OTOGL: variants seen among roughly 807,000 people sequenced by gnomAD.
OTOGL encodes otogelin-like protein.
OTOGL carries 285 observed loss-of-function variants against 318.5 expected under a neutral mutation model. The observed-to-expected ratio is 0.89, with a 90% CI of 0.81 to 0.99. The LOEUF (loss-of-function observed/expected upper bound fraction) is 0.99. OTOGL is among the 50% of genes least tolerant of loss of function. The pLI, the probability that OTOGL is intolerant of heterozygous loss-of-function variation, is 0.00. For missense variants in OTOGL, 2,899 were observed against 2,845.6 expected (o/e 1.02, Z -0.43); for synonymous variants, 987 against 936.5 (o/e 1.05, Z -0.99).
At chr12:80,296,193 G>C (rs972770611) in intron 26 of OTOGL, among the ~76,000 whole-genome samples, 3 of 152,184 alleles carry the variant, frequency 2.0e-5, no homozygotes, top group Non-Finnish European at 2.9e-5. Context: ...TTAGGAATTT[G>C]AACTCTGATC....
intron 1 of OTOGL, among the ~76,000 whole-genome samples, chr12:80,141,975 C>A (rs915875798): frequency 6.6e-6 from 1 of 152,136 alleles, no homozygotes; most frequent in Non-Finnish European, 1.5e-5. Flanking sequence ...CCATCCTCAA[C>A]CTTCCTTTCT....
chr12:80,176,494 G>A (rs1228543117), intron 1 of OTOGL, among the ~76,000 whole-genome samples: 1 of 151,990 alleles, frequency 6.6e-6, no homozygotes, highest in African/African-American at 2.4e-5. Flanking sequence ...TTATAAAAAT[G>A]GAATATATAC....
rs370489126 is a variant in OTOGL, at chr12:80,239,325, T to A, written c.946-8T>A. Reference sequence around the variant, plus strand: ...ATAGTCTAGTGACTGCCATCTTTTTTTGCACAGGCAATCTTCTTCAAGTGT... The same window carrying A: ...ATAGTCTAGTGACTGCCATCTTTTTATGCACAGGCAATCTTCTTCAAGTGT... On this transcript the variant is annotated splice_region_variant and splice_polypyrimidine_tract_variant and intron_variant, in intron 10 of 58. Transcript: ENST00000547103. 4.2e-5 allele frequency: 66 copies of A among 1,582,560 alleles called. 1 individual carries two copies. In the Middle Eastern group the frequency reaches 8.3e-4, roughly 20 times the overall value.
intron 26 of OTOGL, among the ~76,000 whole-genome samples, chr12:80,295,324 G>A (rs999824033): frequency 1.3e-4 from 19 of 151,958 alleles, no homozygotes; most frequent in African/African-American, 3.6e-4. Flanking sequence ...CTACAGGTGC[G>A]TGCCACCATG....
At chr12:80,122,392 C>T (rs904037704) in intron 1 of OTOGL, among the ~76,000 whole-genome samples, 6 of 151,952 alleles carry the variant, frequency 3.9e-5, no homozygotes, top group African/African-American at 1.5e-4. Context: ...TTTAACTGTG[C>T]TATGGCAAAA....
chr12:80,200,473 A>G (rs1159806187), intron 1 of OTOGL, among the ~76,000 whole-genome samples: 1 of 152,218 alleles, frequency 6.6e-6, no homozygotes, highest in Non-Finnish European at 1.5e-5. Context: ...CTGAATTCAT[A>G]ATACAAATGA....
intron 44 of OTOGL, among the ~76,000 whole-genome samples, chr12:80,344,720 A>C (rs1247352588): frequency 1.3e-5 from 2 of 152,064 alleles, no homozygotes; most frequent in African/African-American, 4.8e-5. Context: ...AATAACAAGT[A>C]ATCTTGGCTC....
chr12:80,356,632 G>A (rs112557722), intron 48 of OTOGL, 112 bp downstream of exon 48: 51 of 909,260 alleles, frequency 5.6e-5, no homozygotes, highest in Admixed American at 2.8e-4. Flanking sequence ...AAAAGATTGC[G>A]GACTTGTCTT....
At chr12:80,377,278 T>C (rs1054734679) in intron 58 of OTOGL, 76 bp downstream of exon 58, 2 of 1,149,152 alleles carry the variant, frequency 1.7e-6, no homozygotes, top group South Asian at 1.5e-5. Flanking sequence ...GAAAGAAGTT[T>C]GTAAGCCAAC....
chr12:80,271,196 C>G (rs948183883), intron 23 of OTOGL, among the ~76,000 whole-genome samples: 2 of 152,060 alleles, frequency 1.3e-5, no homozygotes, highest in East Asian at 3.9e-4. Flanking sequence ...GATTTTATCC[C>G]TTTGGCCCCA....
intron 1 of OTOGL, among the ~76,000 whole-genome samples, chr12:80,128,821 G>A (rs145956655): frequency 4.6e-4 from 70 of 152,330 alleles, no homozygotes; most frequent in African/African-American, 1.6e-3. Context: ...GGCTTCGTAG[G>A]CATAGGACCC....
At chr12:80,316,183 T>C (rs1333654686) in intron 32 of OTOGL, among the ~76,000 whole-genome samples, 3 of 152,136 alleles carry the variant, frequency 2.0e-5, no homozygotes, top group African/African-American at 7.2e-5. Context: ...GAGCATGACC[T>C]CCATGCTACG....
rs1245467699 is a variant in OTOGL, at chr12:80,355,214, TTCTTTCTTTCTTTTC to T, written c.5594-520_5594-506del. Among the ~76,000 whole-genome samples, 85 of 102,850 alleles carry T rather than the reference TTCTTTCTTTCTTTTC, an allele frequency of 8.3e-4. 1 individual carries two copies. Among genetic ancestry groups the T allele is most frequent in the Admixed American group, 4.6e-3 (30 of 6,564 alleles). The allele number at this position is 102,850 out of a possible 152,430, so 67.5% of individuals were successfully genotyped here. On this transcript the variant is annotated intron_variant, in intron 46 of 58. Transcript: ENST00000547103. ...TTTTTCTTTTACTTTTTTCTTTTCTTTCTTTCTTTCTTTTCTTTTTTTTTTTTTTTTTTTGAGACA... is the reference window on the plus strand; with the variant it reads ...TTTTTCTTTTACTTTTTTCTTTTCTTTTTTTTTTTTTTTTTTTTTGAGACA...
intron 52 of OTOGL, among the ~76,000 whole-genome samples, chr12:80,359,895 G>A (rs557338540): frequency 3.0e-4 from 45 of 152,262 alleles, no homozygotes; most frequent in Admixed American, 1.0e-3. Context: ...TCTTTACCAA[G>A]TCAGCACTTT....
At position 80,358,914 on chromosome 12, in the gene OTOGL, T is replaced by G. The variant is rs1461458965; in HGVS notation, c.6267+14T>G. 5 of 1,464,680 alleles carry G rather than the reference T, an allele frequency of 3.4e-6. No homozygotes were observed. In the East Asian group the frequency reaches 1.2e-4, roughly 36 times the overall value. 90.7% of individuals were successfully genotyped at this position (1,464,680 alleles called of 1,614,324 possible). ...ACTTGTGAAGTGGTAAGAACACATA[T>G]TTTGATTGACTTGTCATATTTATTT... On this transcript the variant is annotated intron_variant, in intron 52 of 58. Transcript: ENST00000547103.
chr12:80,328,752 T>C lies in OTOGL; in HGVS notation c.4279+8T>C, dbSNP rs763226353. On this transcript the variant is annotated splice_region_variant and intron_variant, in intron 36 of 58. Coordinates refer to ENST00000547103, the MANE Select transcript of OTOGL (RefSeq NM_001378609.3). The stretch of plus-strand genomic sequence containing the variant: ...GTGTTTATCCACGAGACTGTAAGTG[T>C]GAACGTTGCTTAATTTACTCTGAAA... The C allele has an allele frequency of 6.3e-7, 1 of 1,578,190 alleles. No individual in the cohort carries two copies. Among genetic ancestry groups the C allele is most frequent in the South Asian group, 1.1e-5 (1 of 89,096 alleles).
chr12:80,249,494 G>C lies in OTOGL; in HGVS notation c.1053-2199G>C, dbSNP rs1300066598. Among the ~76,000 whole-genome samples the C allele has an allele frequency of 1.9e-4, 29 of 151,726 alleles. No individual in the cohort carries two copies. The East Asian group carries it at 4.5e-3, about 24-fold the overall frequency. ...GGCTGCTCGGGGGTCAGGGGTCAGG[G>C]ACCCACTTGAGGAGGCAGTCTGCCT... On this transcript the variant is annotated intron_variant, in intron 11 of 58. Transcript: ENST00000547103.
intron 1 of OTOGL, among the ~76,000 whole-genome samples, chr12:80,115,339 T>TAACA (rs140567151): frequency 0.025 from 3,779 of 152,278 alleles, 156 homozygotes; most frequent in African/African-American, 0.086. Flanking sequence ...TTTTTCCTTC[T>TAACA]AACAGTCAGG....
intron 44 of OTOGL, among the ~76,000 whole-genome samples, chr12:80,350,265 A>G (rs1889462308): frequency 6.6e-6 from 1 of 152,084 alleles, no homozygotes; most frequent in Non-Finnish European, 1.5e-5. Context: ...ATAATATTCC[A>G]TTGTGTATAT....
Sources: gnomAD v4.1 joint callset for allele counts (sites outside exome capture counted in the v4.1 genomes callset) on GRCh38, gnomAD v4.1.1 for gene constraint, MANE v1.5 for transcripts, NCBI Gene and HGNC (gene_info 2026-07-23, HGNC 2026-07-21) for gene names.